Variants in ANK3 observed in about 807,000 individuals in gnomAD.
The protein encoded by ANK3 is ankyrin-3.
In ANK3, 57 loss-of-function variants were observed where a neutral mutation model predicts 370.9. That is an observed-to-expected ratio of 0.15 (90% CI 0.12 to 0.19). The LOEUF (loss-of-function observed/expected upper bound fraction) is 0.19, where lower values mean the gene tolerates loss of function less well. Ranked by LOEUF, ANK3 falls within the 10% of genes least tolerant of loss-of-function variation. ANK3 has a pLI of 1.00. For synonymous variants in ANK3, 1,929 were observed against 1,946.3 expected (o/e 0.99, Z 0.23); for missense variants, 4,439 against 5,302.1 (o/e 0.84, Z 5.06).
chr10:60,558,810 A>G (rs997624105), intron 2 of ANK3, among the ~76,000 whole-genome samples: 2 of 152,336 alleles, frequency 1.3e-5, no homozygotes, highest in African/African-American at 4.8e-5. Context: ...AATTTTCTAA[A>G]GCAATTTATA....
At chr10:60,032,690 A>G (rs907859279) in intron 43 of ANK3, among the ~76,000 whole-genome samples, 1 of 152,188 alleles carries the variant, frequency 6.6e-6, no homozygotes, top group Non-Finnish European at 1.5e-5. Flanking sequence ...CTATCATTTA[A>G]AAAAATGCTG....
intron 2 of ANK3, among the ~76,000 whole-genome samples, chr10:60,531,748 G>A (rs1244539653): frequency 2.0e-5 from 3 of 152,112 alleles, no homozygotes. Flanking sequence ...TTATTTGGGA[G>A]CTCAGAAGTT....
intron 2 of ANK3, among the ~76,000 whole-genome samples, chr10:60,592,018 A>G (rs2077922618): frequency 6.6e-6 from 1 of 152,224 alleles, no homozygotes; most frequent in Non-Finnish European, 1.5e-5. Flanking sequence ...TTGATAGCAC[A>G]ACAGGGTGAC....
At chr10:60,598,475 G>A (rs2078017853) in intron 2 of ANK3, among the ~76,000 whole-genome samples, 1 of 152,046 alleles carries the variant, frequency 6.6e-6, no homozygotes, top group Non-Finnish European at 1.5e-5. Flanking sequence ...TAACAATAAT[G>A]TTTCTTTATA....
intron 25 of ANK3, among the ~76,000 whole-genome samples, chr10:60,124,255 G>A (rs910942555): frequency 1.3e-5 from 2 of 152,142 alleles, no homozygotes; most frequent in African/African-American, 4.8e-5. Flanking sequence ...TCTGCCTCCT[G>A]GGTTCAAGCA....
At chr10:60,415,066 T>G (rs1011019255) in intron 2 of ANK3, among the ~76,000 whole-genome samples, 1 of 152,136 alleles carries the variant, frequency 6.6e-6, no homozygotes, top group South Asian at 2.1e-4. Context: ...CTTTGGCTAT[T>G]GAAGGGAGGC....
At chr10:60,506,020 A>G (rs752121290) in intron 2 of ANK3, among the ~76,000 whole-genome samples, 2 of 152,042 alleles carry the variant, frequency 1.3e-5, no homozygotes, top group Non-Finnish European at 2.9e-5. Context: ...AAGTATTCAT[A>G]CTCACAATAA....
intron 1 of ANK3, among the ~76,000 whole-genome samples, chr10:60,372,147 A>G (rs1338699339): frequency 6.6e-6 from 1 of 152,248 alleles, no homozygotes; most frequent in Non-Finnish European, 1.5e-5. Context: ...CAACCAAGAG[A>G]TAAAACTAAA....
At chr10:60,357,338 C>A (rs2057919671) in intron 1 of ANK3, among the ~76,000 whole-genome samples, 1 of 152,192 alleles carries the variant, frequency 6.6e-6, no homozygotes, top group African/African-American at 2.4e-5. Context: ...TCTCTTGGCT[C>A]ACTTGTTCTG....
intron 2 of ANK3, among the ~76,000 whole-genome samples, chr10:60,481,394 T>C (rs2075211486): frequency 6.6e-6 from 1 of 152,292 alleles, no homozygotes; most frequent in East Asian, 1.9e-4. Flanking sequence ...CCTTACATTC[T>C]GCTGCCTGGC....
At chr10:60,082,018 C>A in intron 35 of ANK3, 132 bp downstream of exon 35, 2 of 597,964 alleles carry the variant, frequency 3.3e-6, no homozygotes, top group Admixed American at 3.1e-5. Context: ...AAATATATAC[C>A]CTTTTACCTA....
intron 21 of ANK3, among the ~76,000 whole-genome samples, chr10:60,171,567 A>T (rs760236824): frequency 6.6e-6 from 1 of 152,236 alleles, no homozygotes; most frequent in African/African-American, 2.4e-5. Context: ...GTGTTGAGTC[A>T]TGGAGTCAGG....
intron 1 of ANK3, among the ~76,000 whole-genome samples, chr10:60,639,036 T>G (rs188423668): frequency 6.6e-6 from 1 of 151,626 alleles, no homozygotes; most frequent in African/African-American, 2.4e-5. Context: ...AAACCCCAAA[T>G]AGAATAAAAA....
At chr10:60,250,687 G>A (rs1337303178) in intron 7 of ANK3, among the ~76,000 whole-genome samples, 1 of 152,040 alleles carries the variant, frequency 6.6e-6, no homozygotes, top group Non-Finnish European at 1.5e-5. Context: ...TTAAACTAAG[G>A]GGACCTCACT....
intron 2 of ANK3, among the ~76,000 whole-genome samples, chr10:60,429,387 AG>A (rs1225108554): frequency 6.6e-6 from 1 of 152,218 alleles, no homozygotes; most frequent in Non-Finnish European, 1.5e-5. Context: ...AAGGAGAAAA[AG>A]GGGGAAAAGA....
At chr10:60,335,008 C>G (rs2052448865) in intron 1 of ANK3, among the ~76,000 whole-genome samples, 1 of 152,058 alleles carries the variant, frequency 6.6e-6, no homozygotes, top group South Asian at 2.1e-4. Flanking sequence ...CACTATTAGG[C>G]TAGTTTCAAG....
At chr10:60,601,287 T>C (rs1020531378) in intron 2 of ANK3, among the ~76,000 whole-genome samples, 4 of 151,272 alleles carry the variant, frequency 2.6e-5, no homozygotes, top group African/African-American at 9.7e-5. Flanking sequence ...ACTGCCTTGT[T>C]ACAAAAAAAG....
At chr10:60,148,515 TG>T (rs2094937599) in intron 23 of ANK3, among the ~76,000 whole-genome samples, 1 of 152,172 alleles carries the variant, frequency 6.6e-6, no homozygotes, top group South Asian at 2.1e-4. Flanking sequence ...GTTTTTCCTA[TG>T]AAGAGGCAGA....
chr10:60,617,643 C>T (rs1489250580), intron 1 of ANK3, among the ~76,000 whole-genome samples: 1 of 152,172 alleles, frequency 6.6e-6, no homozygotes, highest in African/African-American at 2.4e-5. Flanking sequence ...GTTCATTTCT[C>T]TTCCTCTGAT....
Sources: allele counts gnomAD v4.1 joint callset (sites outside exome capture counted in the v4.1 genomes callset), GRCh38; gene constraint gnomAD v4.1.1; transcripts MANE v1.5; gene names NCBI Gene and HGNC (gene_info 2026-07-23, HGNC 2026-07-21).